Variants in PHTF2 observed in about 807,000 individuals in gnomAD.
The protein encoded by PHTF2 is putative homeodomain transcription factor 2.
Under a neutral mutation model 101.2 loss-of-function variants are expected in PHTF2, and 60 were observed. That is an observed-to-expected ratio of 0.59 (90% CI 0.48 to 0.73). The LOEUF is 0.73. PHTF2 is among the 30% of genes least tolerant of loss of function. The pLI, the probability that PHTF2 is intolerant of heterozygous loss-of-function variation, is 0.00. For missense variants in PHTF2, 747 were observed against 908.7 expected, an observed-to-expected ratio of 0.82 and a Z score of 2.29; for synonymous variants, 311 against 307.3, an observed-to-expected ratio of 1.01 and a Z score of -0.13.
At position 77,849,308 on chromosome 7, in the gene PHTF2, T is replaced by A. The variant is rs556994940; in HGVS notation, c.46-5425T>A. Among the ~76,000 whole-genome samples, 110 of 150,536 alleles carry A rather than the reference T, an allele frequency of 7.3e-4. No homozygotes were observed. In the South Asian group the frequency reaches 0.016, roughly 21 times the overall value. On this transcript the variant is annotated intron_variant, in intron 2 of 19. Coordinates refer to ENST00000416283, the Ensembl canonical transcript of PHTF2. The stretch of plus-strand genomic sequence containing the variant: ...CTGGCTAATTTATATATATATATAT[T>A]TATTTATTTATTTTAGTAGAGACGG...
chr7:77,843,042 T>G (rs1796008687), intron 2 of PHTF2, among the ~76,000 whole-genome samples: 1 of 152,216 alleles, frequency 6.6e-6, no homozygotes, highest in Non-Finnish European at 1.5e-5. Flanking sequence ...AAATGATATT[T>G]CATGTTTTGA....
exon 20 of PHTF2, chr7:77,954,864 A>G: frequency 6.6e-7 from 1 of 1,512,124 alleles, no homozygotes; most frequent in Non-Finnish European, 9.1e-7. Context: ...CTAGCTATGG[A>G]AGATTAAGTC....
chr7:77,954,168 C>G (rs1438290831), intron 19 of PHTF2, among the ~76,000 whole-genome samples: 1 of 151,946 alleles, frequency 6.6e-6, no homozygotes, highest in South Asian at 2.1e-4. Flanking sequence ...GGAGTCTGCT[C>G]TGTTGCCCAG....
intron 3 of PHTF2, among the ~76,000 whole-genome samples, chr7:77,888,558 G>C (rs965650218): frequency 1.3e-5 from 2 of 152,106 alleles, no homozygotes; most frequent in African/African-American, 4.8e-5. Flanking sequence ...CAAAAATTTC[G>C]AAGTCGTCAA....
intron 9 of PHTF2, among the ~76,000 whole-genome samples, chr7:77,911,302 T>C (rs1239107960): frequency 6.6e-6 from 1 of 151,872 alleles, no homozygotes; most frequent in Non-Finnish European, 1.5e-5. Flanking sequence ...CAAAAATGGC[T>C]TCTTGTATAG....
At chr7:77,800,248 C>T (rs979403321) in intron 1 of PHTF2, among the ~76,000 whole-genome samples, 1 of 152,056 alleles carries the variant, frequency 6.6e-6, no homozygotes, top group African/African-American at 2.4e-5. Flanking sequence ...AATGGATATG[C>T]GTTATCAGTT....
intron 3 of PHTF2, among the ~76,000 whole-genome samples, chr7:77,868,370 T>C (rs1246920770): frequency 6.7e-6 from 1 of 148,930 alleles, no homozygotes; most frequent in Non-Finnish European, 1.5e-5. Context: ...AGTCTTGCTT[T>C]GTTGCCCAGG....
intron 1 of PHTF2, among the ~76,000 whole-genome samples, chr7:77,828,145 C>T (rs1376177747): frequency 6.6e-6 from 1 of 152,138 alleles, no homozygotes; most frequent in Non-Finnish European, 1.5e-5. Context: ...ATAACATGTC[C>T]ATGTTTGAAT....
chr7:77,861,926 G>A (rs1195873309), intron 3 of PHTF2, among the ~76,000 whole-genome samples: 4 of 152,074 alleles, frequency 2.6e-5, no homozygotes, highest in Admixed American at 6.5e-5. Flanking sequence ...GTGTGGTAGC[G>A]CATGCCTGTA....
intron 1 of PHTF2, among the ~76,000 whole-genome samples, chr7:77,800,095 T>C (rs756572229): frequency 6.6e-6 from 1 of 152,236 alleles, no homozygotes; most frequent in Non-Finnish European, 1.5e-5. Context: ...AACTGGGCTT[T>C]TTTCACCATA....
intron 15 of PHTF2, among the ~76,000 whole-genome samples, chr7:77,942,265 A>G (rs977864232): frequency 6.6e-6 from 1 of 152,168 alleles, no homozygotes; most frequent in Non-Finnish European, 1.5e-5. Flanking sequence ...AGCACTCATC[A>G]CAATTTATCA....
intron 9 of PHTF2, among the ~76,000 whole-genome samples, chr7:77,913,277 A>G (rs1449012442): frequency 6.6e-6 from 1 of 151,546 alleles, no homozygotes; most frequent in Non-Finnish European, 1.5e-5. Flanking sequence ...AATCCCAGCT[A>G]TTTGAGAGGC....
At chr7:77,820,793 C>T (rs1309262999) in intron 1 of PHTF2, among the ~76,000 whole-genome samples, 1 of 152,148 alleles carries the variant, frequency 6.6e-6, no homozygotes, top group Non-Finnish European at 1.5e-5. Context: ...GAGGCCTTCT[C>T]CTGTCATTTT....
At chr7:77,940,296 T>C (rs574906206) in exon 14 of PHTF2, 8 of 1,610,148 alleles carry the variant, frequency 5.0e-6, no homozygotes, top group South Asian at 2.2e-5. Context: ...AAAGAACTTA[T>C]AAACAGGTGG....
intron 9 of PHTF2, among the ~76,000 whole-genome samples, chr7:77,912,620 G>A (rs1350485834): frequency 6.7e-6 from 1 of 149,686 alleles, no homozygotes; most frequent in African/African-American, 2.5e-5. Context: ...GTATGTTGAT[G>A]GTTTTCTAGA....
chr7:77,850,883 G>T (rs1796707969), intron 2 of PHTF2, among the ~76,000 whole-genome samples: 3 of 152,010 alleles, frequency 2.0e-5, no homozygotes, highest in Non-Finnish European at 4.4e-5. Context: ...GATGTTGATT[G>T]ATTTTGTCCT....
chr7:77,870,194 C>A (rs57163562), intron 3 of PHTF2, among the ~76,000 whole-genome samples: 13,718 of 148,686 alleles, frequency 0.092, 801 homozygotes, highest in South Asian at 0.19. Flanking sequence ...CCAATGTTTT[C>A]TTCTAGTAGT....
At chr7:77,826,510 A>G (rs1473708316) in intron 1 of PHTF2, among the ~76,000 whole-genome samples, 1 of 152,186 alleles carries the variant, frequency 6.6e-6, no homozygotes, top group African/African-American at 2.4e-5. Flanking sequence ...TTCTAGTCTC[A>G]ATGTCACTGT....
intron 9 of PHTF2, among the ~76,000 whole-genome samples, chr7:77,914,740 A>G (rs1246803673): frequency 6.6e-6 from 1 of 152,120 alleles, no homozygotes; most frequent in Admixed American, 6.5e-5. Flanking sequence ...GTCTGTAATC[A>G]ATTTTCAATA....
Sources: allele counts gnomAD v4.1 joint callset (sites outside exome capture counted in the v4.1 genomes callset), GRCh38; gene constraint gnomAD v4.1.1; transcripts MANE v1.5; gene names NCBI Gene and HGNC (gene_info 2026-07-23, HGNC 2026-07-21).